The following SSX2IP variants were observed in gnomAD, a reference collection of about 807,000 sequenced individuals.
SSX2IP encodes the protein afadin- and alpha-actinin-binding protein.
A neutral mutation model predicts 84.9 loss-of-function variants in SSX2IP; 55 were observed. The ratio of observed to expected loss-of-function variants is 0.65; its 90% CI spans 0.52 to 0.81. The LOEUF is 0.81. Among genes scored for constraint, SSX2IP ranks in the 30% least tolerant of loss-of-function variants. The pLI is 0.00. For missense variants in SSX2IP, 664 were observed against 705.2 expected (o/e 0.94, Z 0.66); for synonymous variants, 239 against 234.7 (o/e 1.02, Z -0.17).
chr1:84,668,182 G>A (rs1295639937), intron 4 of SSX2IP, among the ~76,000 whole-genome samples: 1 of 152,058 alleles, frequency 6.6e-6, no homozygotes, highest in East Asian at 1.9e-4. Context: ...CCTAATAAAT[G>A]GGACCACTCC....
intron 13 of SSX2IP, among the ~76,000 whole-genome samples, 185 bp from the exon 14 acceptor site, chr1:84,647,792 T>C (rs1649664710): frequency 6.6e-6 from 1 of 151,696 alleles, no homozygotes; most frequent in Non-Finnish European, 1.5e-5. Flanking sequence ...ACACTTGTAA[T>C]CCTAGCACTT....
At chr1:84,680,845 T>C (rs1654982712) in intron 1 of SSX2IP, among the ~76,000 whole-genome samples, 1 of 152,228 alleles carries the variant, frequency 6.6e-6, no homozygotes, top group East Asian at 1.9e-4. Flanking sequence ...TATTGTGTCT[T>C]CCAAATTTTC....
chr1:84,670,534 G>C, intron 3 of SSX2IP, 112 bp downstream of exon 3: 1 of 675,338 alleles, frequency 1.5e-6, no homozygotes, highest in East Asian at 3.0e-5. Flanking sequence ...CTAAGTCTCA[G>C]GGGCACTACA....
chr1:84,669,013 G>A (rs1412748129), intron 4 of SSX2IP, among the ~76,000 whole-genome samples: 1 of 151,804 alleles, frequency 6.6e-6, no homozygotes, highest in Non-Finnish European at 1.5e-5. Flanking sequence ...ACCACCCCAC[G>A]ATTTTGAACA....
intron 5 of SSX2IP, among the ~76,000 whole-genome samples, chr1:84,665,030 C>A (rs1652569731): frequency 6.6e-6 from 1 of 152,154 alleles, no homozygotes; most frequent in Non-Finnish European, 1.5e-5. Flanking sequence ...TAAGTCCAAA[C>A]AGCAGAATAA....
At position 84,660,655 on chromosome 1, in the gene SSX2IP, C is replaced by T. The variant is rs186835099; in HGVS notation, c.927+1543G>A. Among the ~76,000 whole-genome samples the T allele has an allele frequency of 4.9e-3, 747 of 151,986 alleles. 9 individuals are homozygous for T. Among genetic ancestry groups the T allele is most frequent in the Admixed American group, 0.012 (177 of 15,260 alleles). On this transcript the variant is annotated intron_variant, in intron 8 of 13. Transcript: ENST00000342203. ...TGGTGCATGCCTGTAATCCCAGCTACTCTGGAGGCTGAGGCAGGAGAATTG... is the reference window on the plus strand; with the variant it reads ...TGGTGCATGCCTGTAATCCCAGCTATTCTGGAGGCTGAGGCAGGAGAATTG...
intron 1 of SSX2IP, 39 bp downstream of exon 1, chr1:84,690,332 G>A (rs1656454047): frequency 6.7e-6 from 1 of 149,724 alleles, no homozygotes; most frequent in East Asian, 2.0e-4. Context: ...TCCCTGGCGG[G>A]GCGCGTCACA....
chr1:84,660,781 A>G (rs183510939), intron 8 of SSX2IP, among the ~76,000 whole-genome samples: 1 of 150,814 alleles, frequency 6.6e-6, no homozygotes, highest in Non-Finnish European at 1.5e-5. Context: ...GGCCAGACGC[A>G]GTGGCTGACG....
chr1:84,661,828 ATAT>A (rs1178585937), intron 8 of SSX2IP, among the ~76,000 whole-genome samples: 1 of 152,200 alleles, frequency 6.6e-6, no homozygotes, highest in Non-Finnish European at 1.5e-5. Flanking sequence ...GGGCTACTAA[ATAT>A]TATGCCTTAG....
Position 84,671,303 on chromosome 1 carries a change from C to A in SSX2IP, c.-84G>T. 1 of 1,561,494 alleles carries A rather than the reference C, an allele frequency of 6.4e-7. No individual in the cohort carries two copies. The highest frequency in any genetic ancestry group is 8.6e-7 in the Non-Finnish European group (1 of 1,157,628). On this transcript the variant is annotated 5_prime_UTR_variant, in exon 2 of 14. It removes an upstream start codon present in the reference 5' UTR. Transcript: ENST00000342203. ...AGCTGCTGTCACTCTTCTATGTAGG[C>A]ATCTCCTTAAAAAGCAGATTATAGA...
chr1:84,665,920 C>T (rs545175162), intron 5 of SSX2IP, among the ~76,000 whole-genome samples: 7 of 152,254 alleles, frequency 4.6e-5, no homozygotes, highest in Admixed American at 3.3e-4. Context: ...CCAAATGGAT[C>T]CACTGGGGGC....
rs186997920 is a variant in SSX2IP, at chr1:84,662,568, C to G, written c.674-38G>C. 1.1e-5 allele frequency: 18 copies of G among 1,601,344 alleles called. No individual in the cohort carries two copies. In the East Asian group the frequency reaches 3.3e-4, roughly 30 times the overall value. ...ACACATAAAATTAATTCTTACCATA[C>G]ATGCTTAAGCATCTAAAACTCTAAT... On this transcript the variant is annotated intron_variant, in intron 6 of 13. Transcript: ENST00000342203.
At chr1:84,647,647 T>C (rs781318833) in intron 13 of SSX2IP, 40 bp from the exon 14 acceptor site, 1 of 1,436,096 alleles carries the variant, frequency 7.0e-7, no homozygotes, top group Admixed American at 2.2e-5. Flanking sequence ...GACTATCCTC[T>C]CCTTCTTTTG....
Position 84,644,331 on chromosome 1 carries a change from T to C in SSX2IP, c.*3102A>G, listed in dbSNP as rs1170757156. 6.6e-6 allele frequency: 1 copy of C among 152,224 alleles called. No homozygotes were observed. Among genetic ancestry groups the C allele is most frequent in the Admixed American group, 6.5e-5 (1 of 15,276 alleles). The allele number at this position is 152,224 out of a possible 1,614,324, so 9.4% of individuals were successfully genotyped here. On this transcript the variant is annotated 3_prime_UTR_variant, in exon 14 of 14. Transcript: ENST00000342203. ...GTTTATTACAATGTAGGTTTAATAG[T>C]TGGCCTTCCACTCAGCTCAGATTCC...
At chr1:84,669,984 G>A in intron 3 of SSX2IP, 91 bp from the exon 4 acceptor site, 3 of 852,402 alleles carry the variant, frequency 3.5e-6, no homozygotes, top group Non-Finnish European at 5.5e-6. Flanking sequence ...GGAAGAATAA[G>A]TTTAATAGAT....
intron 13 of SSX2IP, among the ~76,000 whole-genome samples, chr1:84,649,022 A>C (rs1330872093): frequency 6.6e-6 from 1 of 152,200 alleles, no homozygotes; most frequent in Non-Finnish European, 1.5e-5. Flanking sequence ...TTAAAACTTA[A>C]GACTTTTTTT....
At chr1:84,665,973 C>G in intron 5 of SSX2IP, 149 bp downstream of exon 5, 2 of 613,816 alleles carry the variant, frequency 3.3e-6, no homozygotes, top group Non-Finnish European at 5.6e-6. Context: ...CAGTTAAATA[C>G]TATTACACAA....
chr1:84,662,951 T>A, intron 6 of SSX2IP, among the ~76,000 whole-genome samples: 1 of 152,158 alleles, frequency 6.6e-6, no homozygotes, highest in East Asian at 1.9e-4. Flanking sequence ...TAAAGCTTTA[T>A]GGGAACACAG....
At chr1:84,657,591 G>T (rs1276619516) in intron 9 of SSX2IP, among the ~76,000 whole-genome samples, 1 of 152,040 alleles carries the variant, frequency 6.6e-6, no homozygotes, top group South Asian at 2.1e-4. Flanking sequence ...CTCTTTTTGG[G>T]GGGGAACAGG....
Sources: allele counts gnomAD v4.1 joint callset (sites outside exome capture counted in the v4.1 genomes callset), GRCh38; gene constraint gnomAD v4.1.1; transcripts MANE v1.5; gene names NCBI Gene and HGNC (gene_info 2026-07-23, HGNC 2026-07-21).